Variants in SEMA3A observed in about 807,000 individuals in gnomAD.
The protein encoded by SEMA3A is semaphorin 3A.
In SEMA3A, 29 loss-of-function variants were observed where a neutral mutation model predicts 97.9. That is an observed-to-expected ratio of 0.30 (90% CI 0.22 to 0.40). The LOEUF is 0.40. SEMA3A is among the 10% of genes least tolerant of loss of function. The pLI is 1.00. For synonymous variants in SEMA3A, 321 were observed against 323.7 expected (o/e 0.99, Z 0.09); for missense variants, 763 against 951.3 (o/e 0.80, Z 2.60).
chr7:84,258,892 AC>A (rs1375542375), intron 3 of SEMA3A, among the ~76,000 whole-genome samples: 1 of 151,228 alleles, frequency 6.6e-6, no homozygotes, highest in Admixed American at 6.6e-5. Flanking sequence ...GATTATCTAA[AC>A]CAGAAGGGAT....
intron 5 of SEMA3A, among the ~76,000 whole-genome samples, chr7:84,049,370 G>C (rs1228275956): frequency 6.6e-6 from 1 of 151,978 alleles, no homozygotes; most frequent in Non-Finnish European, 1.5e-5. Flanking sequence ...GGGTTCTATG[G>C]GGAGTCTTAT....
chr7:84,097,075 G>A lies in SEMA3A; in HGVS notation c.453+13395C>T, dbSNP rs1382189655. On this transcript the variant is annotated intron_variant, in intron 4 of 16. Transcript: ENST00000265362. ...GTCCCCAAGATTGAGGCCAGCAAAGGGCAAGTAAATGTGGGACGCCAAGCA... is the reference window on the plus strand; with the variant it reads ...GTCCCCAAGATTGAGGCCAGCAAAGAGCAAGTAAATGTGGGACGCCAAGCA... 2.0e-5 allele frequency among the ~76,000 whole-genome samples: 3 copies of A among 152,008 alleles called. No homozygotes were observed. In the East Asian group the frequency reaches 5.8e-4, roughly 29 times the overall value.
chr7:84,036,107 G>A (rs1374910649), intron 6 of SEMA3A, among the ~76,000 whole-genome samples: 1 of 151,932 alleles, frequency 6.6e-6, no homozygotes, highest in East Asian at 1.9e-4. Context: ...TCCCCACTCT[G>A]TAGTTGTGAT....
At chr7:84,473,129 G>C (rs1423565417) in intron 1 of SEMA3A, among the ~76,000 whole-genome samples, 2 of 139,004 alleles carry the variant, frequency 1.4e-5, no homozygotes, top group Non-Finnish European at 1.5e-5. Flanking sequence ...GGCTTAATGG[G>C]AAAAAAGAAA....
chr7:84,146,438 T>G (rs1282642590), intron 1 of SEMA3A, among the ~76,000 whole-genome samples: 1 of 149,188 alleles, frequency 6.7e-6, no homozygotes, highest in Non-Finnish European at 1.5e-5. Context: ...CTGGAAAAAT[T>G]GTGACTTTAA....
chr7:84,028,898 C>T (rs1235491726), intron 6 of SEMA3A, among the ~76,000 whole-genome samples: 7 of 152,202 alleles, frequency 4.6e-5, no homozygotes, highest in Non-Finnish European at 7.3e-5. Flanking sequence ...GGATTACAGG[C>T]GTGAGCCACA....
chr7:84,199,744 G>T (rs1798310819), upstream of SEMA3A, among the ~76,000 whole-genome samples: 3 of 152,030 alleles, frequency 2.0e-5, no homozygotes, highest in South Asian at 2.1e-4. Context: ...TTCTAAAAAA[G>T]AATTCTGTGG....
intron 15 of SEMA3A, among the ~76,000 whole-genome samples, chr7:83,966,131 G>A (rs1056670754): frequency 6.6e-6 from 1 of 151,878 alleles, no homozygotes; most frequent in South Asian, 2.1e-4. Flanking sequence ...ACATCCTCTG[G>A]TGGTGGCAAG....
chr7:84,097,652 A>G (rs13228082), intron 4 of SEMA3A, among the ~76,000 whole-genome samples: 62,715 of 151,912 alleles, frequency 0.41, 14,814 homozygotes, highest in Admixed American at 0.52. Flanking sequence ...GTCAATGGAT[A>G]TGGTTTGATT....
chr7:84,113,598 G>A (rs1055822025), intron 3 of SEMA3A, among the ~76,000 whole-genome samples: 2 of 152,088 alleles, frequency 1.3e-5, no homozygotes, highest in Non-Finnish European at 2.9e-5. Context: ...AGCACTGGAG[G>A]ATTTACAATG....
At chr7:84,116,697 G>T (rs574983791) in intron 3 of SEMA3A, among the ~76,000 whole-genome samples, 1 of 152,294 alleles carries the variant, frequency 6.6e-6, no homozygotes, top group East Asian at 1.9e-4. Context: ...ATCGGGGCAT[G>T]AGTGCACAGA....
chr7:84,079,425 A>G (rs1794072113), intron 4 of SEMA3A, among the ~76,000 whole-genome samples: 2 of 150,684 alleles, frequency 1.3e-5, no homozygotes, highest in South Asian at 4.3e-4. Context: ...AACCTACAAA[A>G]TGGGAGAAAA....
chr7:84,041,182 A>G (rs186847384), intron 6 of SEMA3A, among the ~76,000 whole-genome samples: 4 of 152,188 alleles, frequency 2.6e-5, no homozygotes, highest in East Asian at 1.9e-4. Flanking sequence ...ATATTTCCTT[A>G]TTAGTAATTT....
rs201883744 is a variant in SEMA3A, at chr7:84,162,592, T to TAA, written c.113-27643_113-27642dup. 1.3e-3 allele frequency among the ~76,000 whole-genome samples: 198 copies of TAA among 150,964 alleles called. 3 individuals are homozygous for TAA. Among genetic ancestry groups the TAA allele is most frequent in the African/African-American group, 4.6e-3 (188 of 41,164 alleles). On this transcript the variant is annotated intron_variant, in intron 1 of 16. Coordinates refer to ENST00000265362, the MANE Select transcript of SEMA3A (RefSeq NM_006080.3). The stretch of plus-strand genomic sequence containing the variant: ...TTGGCTCATATCCTCAATTTTTTTT[T>TAA]AAAAAAAAATAGATATGATTTGCTT...
chr7:84,301,589 A>G (rs1038890169), intron 3 of SEMA3A, among the ~76,000 whole-genome samples: 6 of 152,180 alleles, frequency 3.9e-5, no homozygotes, highest in African/African-American at 1.4e-4. Context: ...GCTAGGATGT[A>G]GAGTAGGGGT....
At chr7:84,208,132 T>G (rs972714251) in intron 3 of SEMA3A, among the ~76,000 whole-genome samples, 2 of 152,094 alleles carry the variant, frequency 1.3e-5, no homozygotes, top group African/African-American at 4.8e-5. Context: ...TAAACTTTTG[T>G]ACCAGGTTAT....
At chr7:84,073,166 C>T (rs1380501591) in intron 4 of SEMA3A, among the ~76,000 whole-genome samples, 1 of 151,888 alleles carries the variant, frequency 6.6e-6, no homozygotes, top group Non-Finnish European at 1.5e-5. Context: ...CATCAGAGTT[C>T]AGTGTGAGTA....
chr7:84,471,791 A>T (rs1806159001), intron 1 of SEMA3A, among the ~76,000 whole-genome samples: 1 of 152,112 alleles, frequency 6.6e-6, no homozygotes, highest in Non-Finnish European at 1.5e-5. Flanking sequence ...CTTGGTTTCT[A>T]GGGAAACATA....
chr7:84,370,352 A>C (rs570303131), intron 2 of SEMA3A, among the ~76,000 whole-genome samples: 2 of 151,716 alleles, frequency 1.3e-5, no homozygotes, highest in Non-Finnish European at 3.0e-5. Context: ...TTAGAGAATG[A>C]GCAATGTGTG....
Sources: allele counts gnomAD v4.1 joint callset (sites outside exome capture counted in the v4.1 genomes callset), GRCh38; gene constraint gnomAD v4.1.1; transcripts MANE v1.5; gene names NCBI Gene and HGNC (gene_info 2026-07-23, HGNC 2026-07-21).